The following ALS2 variants were observed in gnomAD, a reference collection of about 807,000 sequenced individuals.
ALS2 encodes the protein alsin Rho guanine nucleotide exchange factor ALS2.
ALS2 carries 117 observed loss-of-function variants against 203.4 expected under a neutral mutation model. The observed-to-expected ratio is 0.58, with a 90% CI of 0.50 to 0.67. ALS2 has a LOEUF of 0.67. Ranked by LOEUF, ALS2 falls within the 30% of genes least tolerant of loss-of-function variation. The probability of loss-of-function intolerance (pLI) is 0.00; values close to 1 mark genes in which losing one functional copy is unlikely to be tolerated. For synonymous variants in ALS2, 718 were observed against 725.9 expected (o/e 0.99, Z 0.17); for missense variants, 1,715 against 1,989.4 (o/e 0.86, Z 2.62).
chr2:201,773,393 A>G (rs1694502007), intron 1 of ALS2, among the ~76,000 whole-genome samples: 1 of 152,122 alleles, frequency 6.6e-6, no homozygotes, highest in Admixed American at 6.6e-5. Context: ...GGGCAGAACA[A>G]CTAGTACTTG....
At chr2:201,748,808 C>T (rs1692836514) in intron 8 of ALS2, among the ~76,000 whole-genome samples, 1 of 152,190 alleles carries the variant, frequency 6.6e-6, no homozygotes, top group Non-Finnish European at 1.5e-5. Flanking sequence ...GGAAAGGCAG[C>T]ATGTAAAAAT....
rs570363446 is a variant in ALS2 at position 201,766,149 on chromosome 2, T to C, written c.175+1080A>G. ...GCTATTATTAGCATTAGTATTCTGA[T>C]AGACTTAATGAACAAAAGTTATAGC... On this transcript the variant is annotated intron_variant, in intron 3 of 33. Transcript: ENST00000264276. Among the ~76,000 whole-genome samples the C allele has an allele frequency of 5.9e-5, 9 of 152,330 alleles. No homozygotes were observed. The East Asian group carries it at 9.6e-4, about 16-fold the overall frequency.
In ALS2 at chr2:201,767,271, G is replaced by C. The variant is rs1216954454; in HGVS notation, c.133C>G (p.Gln45Glu). ...LPGWGGKTVL[Q>E]AALGVKHGVL... ...CCATGTTTCACTCCGAGGGCTGCCTGCAAAACAGTCTTTCCTCCCCAGCCT... is the reference window on the plus strand; with the variant it reads ...CCATGTTTCACTCCGAGGGCTGCCTCCAAAACAGTCTTTCCTCCCCAGCCT... Residue 45 changes from glutamine (Q) to glutamate (E), a missense_variant, in exon 3 of 34, where the codon CAG becomes GAG. By Grantham distance (29) the Gln-to-Glu change is conservative. Coordinates refer to ENST00000264276, the MANE Select transcript of ALS2 (RefSeq NM_020919.4). The C allele has an allele frequency of 1.2e-6, 2 of 1,613,924 alleles. No homozygotes were observed. The highest frequency in any genetic ancestry group is 1.7e-6 in the Non-Finnish European group (2 of 1,180,034).
intron 1 of ALS2, among the ~76,000 whole-genome samples, chr2:201,779,035 C>A (rs906638484): frequency 8.5e-5 from 13 of 152,146 alleles, no homozygotes; most frequent in African/African-American, 3.1e-4. Flanking sequence ...ACCCAGTTTT[C>A]ATGAAAAGGT....
At chr2:201,723,016 G>GAA in intron 23 of ALS2, 27 bp downstream of exon 23, 2 of 1,499,082 alleles carry the variant, frequency 1.3e-6, no homozygotes, top group South Asian at 1.2e-5. Flanking sequence ...TTATTAGGGA[G>GAA]AAAAAAAAAG....
chr2:201,780,590 G>A (rs1694860175), intron 1 of ALS2, among the ~76,000 whole-genome samples: 1 of 152,218 alleles, frequency 6.6e-6, no homozygotes, highest in East Asian at 1.9e-4. Context: ...ACGCAGCTGA[G>A]ACCACTGCAG....
In ALS2 at chr2:201,761,658, C is replaced by T. The variant is rs551695609; in HGVS notation, c.336G>A (p.Ala112=). ...CAGCAGAATTCTCTCCCCACATGTA[C>T]GCGACACCATTGTCTGTCACTGCTC... ...HSGAVTDNGV[A]YMWGENSAGQ... The change falls in exon 4 of 34, where the codon GCG becomes GCA. Residue 112 remains alanine, a synonymous_variant. Coordinates refer to ENST00000264276, the MANE Select transcript of ALS2 (RefSeq NM_020919.4). The T allele has an allele frequency of 4.5e-5, 72 of 1,614,118 alleles. No individual in the cohort carries two copies. Among genetic ancestry groups the T allele is most frequent in the East Asian group, 6.7e-5 (3 of 44,878 alleles).
chr2:201,776,917 A>G (rs1190981669), intron 1 of ALS2, among the ~76,000 whole-genome samples: 1 of 152,232 alleles, frequency 6.6e-6, no homozygotes, highest in East Asian at 1.9e-4. Context: ...TACTAAACGT[A>G]TTATTCATTA....
rs748034415 is a variant in ALS2, at chr2:201,760,873, G to C, written c.1113+8C>G. ...ACACACTTTTATTTTATAAAATTGA[G>C]CAGGTACCTGAGATGGCACTGGCTT... On this transcript the variant is annotated splice_region_variant and intron_variant, in intron 4 of 33. Transcript: ENST00000264276. 1.2e-6 allele frequency: 2 copies of C among 1,609,430 alleles called. No homozygotes were observed. The highest frequency in any genetic ancestry group is 1.7e-6 in the Non-Finnish European group (2 of 1,176,848).
At chr2:201,770,812 T>A (rs868610282) in intron 1 of ALS2, among the ~76,000 whole-genome samples, 22 of 152,094 alleles carry the variant, frequency 1.4e-4, no homozygotes, top group Middle Eastern at 3.2e-3. Context: ...AGGTAGCAGC[T>A]GAAAAGGCAA....
At position 201,744,395 on chromosome 2, in the gene ALS2, T is replaced by C. The variant is rs1451118502; in HGVS notation, c.2033A>G (p.Asp678Gly). 6.2e-7 allele frequency: 1 copy of C among 1,614,020 alleles called. No individual in the cohort carries two copies. Among genetic ancestry groups the C allele is most frequent in the Non-Finnish European group, 8.5e-7 (1 of 1,180,022 alleles). ...TTTATCCACCAAGGCTAAATAGCTATCTTTTCCTGCTGTCACTCTGCTTAT... is the reference window on the plus strand; with the variant it reads ...TTTATCCACCAAGGCTAAATAGCTACCTTTTCCTGCTGTCACTCTGCTTAT... ...GYISRVTAGK[D>G]SYLALVDKNI... The change falls in exon 10 of 34, where the codon GAT becomes GGT. Residue 678 changes from aspartate (D) to glycine (G), a missense_variant. Asp to Gly is a moderately conservative substitution (Grantham distance 94). Transcript: ENST00000264276.
At chr2:201,710,489 C>G (rs891860520) in intron 26 of ALS2, among the ~76,000 whole-genome samples, 5 of 151,414 alleles carry the variant, frequency 3.3e-5, no homozygotes, top group Non-Finnish European at 5.9e-5. Flanking sequence ...TTAAACTTCA[C>G]AAAAATGATA....
At chr2:201,706,352 C>T (rs1209876828) in intron 29 of ALS2, among the ~76,000 whole-genome samples, 3 of 150,800 alleles carry the variant, frequency 2.0e-5, no homozygotes, top group Non-Finnish European at 4.4e-5. Flanking sequence ...CACCATCGCA[C>T]TCCTGCCTGC....
intron 20 of ALS2, among the ~76,000 whole-genome samples, chr2:201,725,100 G>A (rs533409408): frequency 3.4e-5 from 5 of 145,830 alleles, no homozygotes; most frequent in African/African-American, 1.3e-4. Flanking sequence ...GTGACAGAGC[G>A]AGACTTCATC....
chr2:201,729,258 T>C lies in ALS2; in HGVS notation c.2581-75A>G, dbSNP rs1691391300. Reference sequence around the variant, plus strand: ...TTATGCAGAATCTGTAGCCTCAGTCTGCCTTAGACATATAGTATTAAATGT... The same window carrying C: ...TTATGCAGAATCTGTAGCCTCAGTCCGCCTTAGACATATAGTATTAAATGT... On this transcript the variant is annotated intron_variant, in intron 13 of 33. Coordinates refer to ENST00000264276, the MANE Select transcript of ALS2 (RefSeq NM_020919.4). 8 of 1,508,156 alleles carry C rather than the reference T, an allele frequency of 5.3e-6. No individual in the cohort carries two copies. The Admixed American group carries it at 7.6e-5, about 14-fold the overall frequency. The allele number at this position is 1,508,156 out of a possible 1,614,324, so 93.4% of individuals were successfully genotyped here.
At chr2:201,751,007 C>A (rs756457185) in intron 7 of ALS2, among the ~76,000 whole-genome samples, 3 of 152,126 alleles carry the variant, frequency 2.0e-5, no homozygotes, top group Middle Eastern at 3.4e-3. Context: ...CGCCTGTCAT[C>A]ACGCCCGGCT....
rs1233665615 is a variant in ALS2 at position 201,719,137 on chromosome 2, C to T, written c.3703-927G>A. Among the ~76,000 whole-genome samples the T allele has an allele frequency of 3.3e-5, 5 of 152,248 alleles. No homozygotes were observed. In the East Asian group the frequency reaches 9.6e-4, roughly 29 times the overall value. On this transcript the variant is annotated intron_variant, in intron 23 of 33. Coordinates refer to ENST00000264276, the MANE Select transcript of ALS2 (RefSeq NM_020919.4). ...GAGTGAAACAGGTTATTACTACCAG[C>T]CTATAGAATTAAAAAAGTTAGAAGG... is the stretch of plus-strand genomic sequence containing the variant.
chr2:201,734,974 CTGAT>C (rs1691789642), intron 12 of ALS2, among the ~76,000 whole-genome samples: 2 of 152,116 alleles, frequency 1.3e-5, no homozygotes, highest in Non-Finnish European at 2.9e-5. Context: ...AGCAGATGAA[CTGAT>C]TGATAAAATG....
At chr2:201,760,101 T>C (rs924329721) in intron 4 of ALS2, 3 of 799,592 alleles carry the variant, frequency 3.8e-6, no homozygotes, top group Non-Finnish European at 4.5e-6. Flanking sequence ...GGTGGGAGGA[T>C]TGCTTGAGCT....
Sources: allele counts gnomAD v4.1 joint callset (sites outside exome capture counted in the v4.1 genomes callset), GRCh38; gene constraint gnomAD v4.1.1; transcripts MANE v1.5; gene names NCBI Gene and HGNC (gene_info 2026-07-23, HGNC 2026-07-21).